BICD1: variants seen among roughly 807,000 people sequenced by gnomAD.
BICD1 encodes protein bicaudal D homolog 1.
Under a neutral mutation model 92.5 loss-of-function variants are expected in BICD1, and 35 were observed. That is an observed-to-expected ratio of 0.38 (90% confidence interval 0.29 to 0.50). The LOEUF (loss-of-function observed/expected upper bound fraction) is 0.50, where lower values mean the gene tolerates loss of function less well. BICD1 is among the 20% of genes least tolerant of loss of function. The probability of loss-of-function intolerance (pLI) is 0.93; values close to 1 mark genes in which losing one functional copy is unlikely to be tolerated. For missense variants in BICD1, 950 were observed against 1,189.8 expected (o/e 0.80, Z 2.97); for synonymous variants, 429 against 465.1 (o/e 0.92, Z 1.00).
chr12:32,280,702 G>T (rs1947388981), intron 2 of BICD1, among the ~76,000 whole-genome samples: 1 of 152,138 alleles, frequency 6.6e-6, no homozygotes, highest in Non-Finnish European at 1.5e-5. Flanking sequence ...GCATATTTTG[G>T]GGTGGCACGT....
At chr12:32,155,162 T>G (rs11051821) in intron 1 of BICD1, among the ~76,000 whole-genome samples, 18,285 of 151,772 alleles carry the variant, frequency 0.12, 1,331 homozygotes, top group South Asian at 0.21. Context: ...TAGAAGCAAG[T>G]GTAGACTTCG....
chr12:32,190,282 C>G (rs1944530318), intron 1 of BICD1, among the ~76,000 whole-genome samples: 1 of 152,136 alleles, frequency 6.6e-6, no homozygotes, highest in Non-Finnish European at 1.5e-5. Context: ...AATTCCCCAA[C>G]CAAAGATAAA....
chr12:32,316,961 T>C (rs1207143393), intron 4 of BICD1, among the ~76,000 whole-genome samples: 1 of 152,128 alleles, frequency 6.6e-6, no homozygotes, highest in Admixed American at 6.5e-5. Flanking sequence ...CTGTGTTTGG[T>C]TTTTTTGTCC....
chr12:32,143,077 CT>C (rs1286501089), intron 1 of BICD1, among the ~76,000 whole-genome samples: 1 of 152,174 alleles, frequency 6.6e-6, no homozygotes, highest in Non-Finnish European at 1.5e-5. Flanking sequence ...ACCTGTCATT[CT>C]TTTACCAGAC....
chr12:32,371,908 C>T (rs908922970), intron 9 of BICD1, among the ~76,000 whole-genome samples: 21 of 152,018 alleles, frequency 1.4e-4, no homozygotes, highest in South Asian at 4.2e-4. Flanking sequence ...TTTTATGTGA[C>T]GAAATTGAGG....
chr12:32,341,882 T>C (rs116532895), intron 8 of BICD1, among the ~76,000 whole-genome samples: 123 of 152,200 alleles, frequency 8.1e-4, no homozygotes, highest in African/African-American at 2.6e-3. Context: ...ATGCTTTTAC[T>C]ATATAAAATC....
chr12:32,341,589 T>G (rs926365730), intron 8 of BICD1, among the ~76,000 whole-genome samples: 2 of 152,124 alleles, frequency 1.3e-5, no homozygotes, highest in African/African-American at 4.8e-5. Flanking sequence ...TTATGTAAAG[T>G]TAAAATAATA....
At chr12:32,308,225 T>C (rs1307171796) in intron 4 of BICD1, among the ~76,000 whole-genome samples, 1 of 152,210 alleles carries the variant, frequency 6.6e-6, no homozygotes, top group African/African-American at 2.4e-5. Context: ...CGGTTCCTCA[T>C]TGCCAGAGAA....
chr12:32,179,788 T>G (rs553865196), intron 1 of BICD1, among the ~76,000 whole-genome samples: 2 of 151,822 alleles, frequency 1.3e-5, no homozygotes, highest in African/African-American at 4.8e-5. Flanking sequence ...GTCAGGAGTT[T>G]GAGACCAACC....
At chr12:32,234,193 G>T (rs1945988296) in intron 2 of BICD1, among the ~76,000 whole-genome samples, 1 of 152,140 alleles carries the variant, frequency 6.6e-6, no homozygotes, top group Admixed American at 6.6e-5. Context: ...GCTATATATT[G>T]ATTACCTAGT....
chr12:32,190,213 A>G (rs1210237289), intron 1 of BICD1, among the ~76,000 whole-genome samples: 3 of 152,220 alleles, frequency 2.0e-5, no homozygotes, highest in South Asian at 4.1e-4. Flanking sequence ...GAACTGCAAA[A>G]CAAAACAAAA....
chr12:32,225,626 T>TTTTTTG (rs1555150881), intron 2 of BICD1, among the ~76,000 whole-genome samples: 3 of 117,986 alleles, frequency 2.5e-5, no homozygotes, highest in Admixed American at 2.5e-4. Flanking sequence ...TTTCTGTTTT[T>TTTTTTG]TTTTTTTTTT....
At chr12:32,259,135 A>G (rs542596417) in intron 2 of BICD1, among the ~76,000 whole-genome samples, 1 of 151,768 alleles carries the variant, frequency 6.6e-6, no homozygotes, top group South Asian at 2.1e-4. Flanking sequence ...ACTTCTCACA[A>G]TGTCCCTTCA....
chr12:32,177,271 C>T (rs958331411), intron 1 of BICD1, among the ~76,000 whole-genome samples: 5 of 150,818 alleles, frequency 3.3e-5, no homozygotes, highest in African/African-American at 1.2e-4. Context: ...GCTGAGATCA[C>T]ACCATGGCAC....
intron 1 of BICD1, among the ~76,000 whole-genome samples, chr12:32,159,005 C>T (rs1018136772): frequency 7.2e-5 from 11 of 152,148 alleles, no homozygotes; most frequent in Admixed American, 2.0e-4. Flanking sequence ...ACAATCTCAG[C>T]GCACTGCAAC....
chr12:32,370,642 T>A (rs1222966745), intron 9 of BICD1, among the ~76,000 whole-genome samples: 1 of 152,216 alleles, frequency 6.6e-6, no homozygotes, highest in African/African-American at 2.4e-5. Flanking sequence ...TAATACCCAC[T>A]GGTTGTTTAA....
intron 1 of BICD1, among the ~76,000 whole-genome samples, chr12:32,142,405 T>TAAAAAAAA (rs1162662533): frequency 1.9e-4 from 12 of 63,388 alleles, no homozygotes; most frequent in African/African-American, 8.1e-4. Flanking sequence ...AGACTCTGTC[T>TAAAAAAAA]AAAAAAAAAA....
chr12:32,190,319 C>T (rs1199094307), intron 1 of BICD1, among the ~76,000 whole-genome samples: 1 of 152,058 alleles, frequency 6.6e-6, no homozygotes, highest in Non-Finnish European at 1.5e-5. Context: ...TAAAAGAAAA[C>T]CCAAGATCTA....
In BICD1 at chr12:32,234,527, C is replaced by T. The variant is rs538328487; in HGVS notation, c.426+18068C>T. Among the ~76,000 whole-genome samples, 56 of 147,510 alleles carry T rather than the reference C, an allele frequency of 3.8e-4. 1 individual carries two copies. The South Asian group carries it at 0.011, about 29-fold the overall frequency. On this transcript the variant is annotated intron_variant, in intron 2 of 9. Coordinates refer to ENST00000652176, the MANE Select transcript of BICD1 (RefSeq NM_001714.4). ...CAGGAAATCACTTGAACCTGGGAGG[C>T]GGAGGTTGTGGGGAGCCAAGATCGC...
Sources: allele counts gnomAD v4.1 joint callset (sites outside exome capture counted in the v4.1 genomes callset), GRCh38; gene constraint gnomAD v4.1.1; transcripts MANE v1.5; gene names NCBI Gene and HGNC (gene_info 2026-07-23, HGNC 2026-07-21).